VRK2: variants seen among roughly 807,000 people sequenced by gnomAD.
VRK2 encodes the protein VRK serine/threonine kinase 2.
VRK2 carries 60 observed loss-of-function variants against 57.6 expected under a neutral mutation model. The ratio of observed to expected loss-of-function variants is 1.04; its 90% CI spans 0.85 to 1.29. The LOEUF is 1.29. Ranked by LOEUF, VRK2 falls within the 50% of genes most tolerant of loss-of-function variation. The pLI is 0.00. For missense variants in VRK2, 705 were observed against 588.1 expected, an observed-to-expected ratio of 1.20 and a Z score of -2.06; for synonymous variants, 231 against 199.2, an observed-to-expected ratio of 1.16 and a Z score of -1.35.
chr2:58,056,925 C>T (rs188488328), intron 2 of VRK2, among the ~76,000 whole-genome samples: 70 of 152,240 alleles, frequency 4.6e-4, no homozygotes. Context: ...GCTTGGTAGG[C>T]TTTATGAAAA....
At chr2:58,064,016 A>G (rs1242231788) in intron 2 of VRK2, among the ~76,000 whole-genome samples, 1 of 152,134 alleles carries the variant, frequency 6.6e-6, no homozygotes, top group Non-Finnish European at 1.5e-5. Context: ...TAGAGCTGAA[A>G]ACTGAAGATG....
At chr2:57,943,462 T>G (rs373950489) in intron 1 of VRK2, among the ~76,000 whole-genome samples, 5 of 152,312 alleles carry the variant, frequency 3.3e-5, no homozygotes, top group Admixed American at 6.5e-5. Context: ...CTTGAGGCCC[T>G]AGAAAGGGGA....
intron 1 of VRK2, among the ~76,000 whole-genome samples, chr2:58,024,028 G>T (rs1205144795): frequency 6.6e-6 from 1 of 150,532 alleles, no homozygotes; most frequent in Admixed American, 6.6e-5. Context: ...GCCCAGGCTG[G>T]AGTGCAGTGA....
chr2:57,999,689 A>G (rs1019362810), intron 1 of VRK2, among the ~76,000 whole-genome samples: 3 of 152,210 alleles, frequency 2.0e-5, no homozygotes, highest in Non-Finnish European at 4.4e-5. Context: ...TAGCAAGCAT[A>G]TGTAGAAAGA....
chr2:58,044,032 A>C (rs1360793421), upstream of VRK2, among the ~76,000 whole-genome samples: 1 of 152,226 alleles, frequency 6.6e-6, no homozygotes, highest in Non-Finnish European at 1.5e-5. Flanking sequence ...TTCTCTAAAA[A>C]GTTTGAGATT....
At chr2:58,047,457 C>G in intron 1 of VRK2, 2 of 985,404 alleles carry the variant, frequency 2.0e-6, no homozygotes, top group African/African-American at 1.7e-5. Flanking sequence ...GAACTCGGGA[C>G]TCGCCCCCAG....
intron 4 of VRK2, 67 bp from the exon 5 acceptor site, chr2:58,086,272 T>C: frequency 3.7e-6 from 5 of 1,368,808 alleles, no homozygotes; most frequent in Non-Finnish European, 5.0e-6. Context: ...TAAATTTGTC[T>C]GTAGAAAGGT....
chr2:58,024,302 T>C (rs564641388), intron 1 of VRK2, among the ~76,000 whole-genome samples: 1 of 152,332 alleles, frequency 6.6e-6, no homozygotes, highest in African/African-American at 2.4e-5. Context: ...CAATTTACAC[T>C]TGTAAATAGG....
At chr2:58,118,844 A>G (rs1015005617) in intron 7 of VRK2, among the ~76,000 whole-genome samples, 5 of 152,080 alleles carry the variant, frequency 3.3e-5, no homozygotes, top group African/African-American at 1.2e-4. Flanking sequence ...GGATTTGGGA[A>G]GGTAATGGAA....
intron 3 of VRK2, 101 bp from the exon 4 acceptor site, chr2:58,084,780 T>C (rs1671380587): frequency 2.6e-6 from 2 of 780,658 alleles, no homozygotes; most frequent in Non-Finnish European, 4.1e-6. Context: ...CAAGTACTAT[T>C]ATATACTACA....
At chr2:58,047,173 C>T in intron 1 of VRK2, 1 of 294,368 alleles carries the variant, frequency 3.4e-6, no homozygotes, top group Non-Finnish European at 5.0e-6. Context: ...GAACTTGTGG[C>T]GGGAAGTTGG....
intron 7 of VRK2, among the ~76,000 whole-genome samples, chr2:58,103,514 G>T (rs1674314013): frequency 6.6e-6 from 1 of 151,598 alleles, no homozygotes; most frequent in Non-Finnish European, 1.5e-5. Flanking sequence ...TACATTCCTA[G>T]AAACATACAA....
intron 3 of VRK2, chr2:58,041,031 T>C: frequency 1.0e-6 from 1 of 985,212 alleles, no homozygotes; most frequent in Non-Finnish European, 1.2e-6. Flanking sequence ...TTCTCCTCCT[T>C]ATCCAGCTCA....
intron 2 of VRK2, among the ~76,000 whole-genome samples, chr2:58,066,079 A>C (rs1668568162): frequency 6.6e-6 from 1 of 152,156 alleles, no homozygotes; most frequent in African/African-American, 2.4e-5. Flanking sequence ...CTTCCTTTCC[A>C]AATGTGTGCT....
At chr2:58,062,306 T>G (rs1677470388) in intron 2 of VRK2, among the ~76,000 whole-genome samples, 1 of 151,982 alleles carries the variant, frequency 6.6e-6, no homozygotes, top group Non-Finnish European at 1.5e-5. Context: ...CATTCTCCCT[T>G]TCCTCAGACC....
intron 3 of VRK2, among the ~76,000 whole-genome samples, chr2:58,038,319 G>A (rs1674339127): frequency 6.6e-6 from 1 of 151,988 alleles, no homozygotes; most frequent in African/African-American, 2.4e-5. Flanking sequence ...GTTTCTTGAG[G>A]CCTCCCCAGC....
chr2:57,935,053 A>T (rs1181801987), intron 1 of VRK2, among the ~76,000 whole-genome samples: 2 of 152,164 alleles, frequency 1.3e-5, no homozygotes, highest in South Asian at 2.1e-4. Flanking sequence ...TGAATTCTTT[A>T]TCAGAAAATT....
chr2:57,915,681 A>T lies in VRK2; in HGVS notation c.-439+7842A>T, dbSNP rs146519713. Among the ~76,000 whole-genome samples the T allele has an allele frequency of 1.1e-4, 16 of 152,284 alleles. No homozygotes were observed. The East Asian group carries it at 3.1e-3, about 29-fold the overall frequency. ...TAAACAGTTATCTGCGATAAGCTGT[A>T]TTTGTCATAAAAGGCTCAAGCTGCA... On this transcript the variant is annotated intron_variant, in intron 1 of 15. Coordinates refer to the VRK2 transcript ENST00000417641.
At chr2:58,013,675 C>G (rs1305065188) in intron 1 of VRK2, among the ~76,000 whole-genome samples, 1 of 151,244 alleles carries the variant, frequency 6.6e-6, no homozygotes, top group Non-Finnish European at 1.5e-5. Context: ...ATCGAGACCA[C>G]GGTGAAACCC....
Sources: allele counts gnomAD v4.1 joint callset (sites outside exome capture counted in the v4.1 genomes callset), GRCh38; gene constraint gnomAD v4.1.1; transcripts MANE v1.5; gene names NCBI Gene and HGNC (gene_info 2026-07-23, HGNC 2026-07-21).